The following GIT2 variants were observed in gnomAD, a reference collection of about 807,000 sequenced individuals.
GIT2 encodes GIT ArfGAP 2.
Under a neutral mutation model 100.3 loss-of-function variants are expected in GIT2, and 32 were observed. The observed-to-expected ratio is 0.32, with a 90% CI of 0.24 to 0.43. The LOEUF (loss-of-function observed/expected upper bound fraction) is 0.43. GIT2 is among the 20% of genes least tolerant of loss of function. The probability of loss-of-function intolerance (pLI) is 1.00; values close to 1 mark genes in which losing one functional copy is unlikely to be tolerated. For missense variants in GIT2, 737 were observed against 975.1 expected, an observed-to-expected ratio of 0.76 and a Z score of 3.25; for synonymous variants, 353 against 364.1, an observed-to-expected ratio of 0.97 and a Z score of 0.35.
Position 109,947,453 on chromosome 12 carries a change from T to C in GIT2, c.1444A>G (p.Asn482Asp). The change falls in exon 15 of 20, where the codon AAT (asparagine) becomes GAT (aspartate). Residue 482 changes from asparagine to aspartate, a missense_variant. By Grantham distance (23) the Asn-to-Asp change is conservative (BLOSUM62 1). Around this residue, in one of 3 missense-constraint regions of GIT2, gnomAD observed 451 missense variants for 543.7 expected, o/e 0.83. Coordinates refer to ENST00000355312, the MANE Select transcript of GIT2 (RefSeq NM_057169.5). The surrounding 1 kb of genome is among the most constrained non-coding windows in gnomAD (Gnocchi z 4.3). The part of the protein sequence containing the change: ...NSNLRKQATT[N>D]VYQVQTGSEY... ...GAACCAGTTTGCACCTGATATACATTGGTTGTGGCCTGTTTCCTGAGGTTC... is the reference window on the plus strand; with the variant it reads ...GAACCAGTTTGCACCTGATATACATCGGTTGTGGCCTGTTTCCTGAGGTTC... The C allele has an allele frequency of 6.2e-7, 1 of 1,613,774 alleles. No individual in the cohort carries two copies. Among genetic ancestry groups the C allele is most frequent in the Non-Finnish European group, 8.5e-7 (1 of 1,179,638 alleles).
At chr12:109,976,635 C>A (rs1450548448) in intron 7 of GIT2, among the ~76,000 whole-genome samples, 1 of 143,240 alleles carries the variant, frequency 7.0e-6, no homozygotes, top group Non-Finnish European at 1.5e-5. Flanking sequence ...GTCGCCCAGG[C>A]AGGAGTGCAG....
intron 7 of GIT2, among the ~76,000 whole-genome samples, chr12:109,976,676 C>A (rs1250114297): frequency 6.6e-6 from 1 of 150,940 alleles, no homozygotes; most frequent in Admixed American, 6.6e-5. Context: ...GTAACCTTTG[C>A]CTCCTAGGTT....
chr12:109,980,833 T>C (rs946857601), intron 7 of GIT2, 119 bp downstream of exon 7: 1 of 703,678 alleles, frequency 1.4e-6, no homozygotes, highest in African/African-American at 1.8e-5. Context: ...AAAAGCCATA[T>C]GTATAGCTTT....
chr12:109,963,006 G>A (rs183980728), intron 9 of GIT2, among the ~76,000 whole-genome samples: 208 of 148,418 alleles, frequency 1.4e-3, no homozygotes, highest in African/African-American at 4.9e-3. Context: ...ACCTTGTCTC[G>A]AAAAAAAAAG....
intron 12 of GIT2, among the ~76,000 whole-genome samples, chr12:109,956,006 G>A (rs960164465): frequency 2.0e-5 from 3 of 150,706 alleles, no homozygotes; most frequent in African/African-American, 7.3e-5. Context: ...TCAGCTCACT[G>A]CATCCTCCAC....
At chr12:109,943,517 T>C (rs1297570219) in intron 16 of GIT2, among the ~76,000 whole-genome samples, 2 of 152,102 alleles carry the variant, frequency 1.3e-5, no homozygotes, top group African/African-American at 2.4e-5. Context: ...GTATTTTTAG[T>C]AGAGACAGGT....
chr12:109,964,923 C>T (rs549247553), intron 9 of GIT2, among the ~76,000 whole-genome samples: 1 of 152,060 alleles, frequency 6.6e-6, no homozygotes, highest in Non-Finnish European at 1.5e-5. Flanking sequence ...GGCCCTTAGG[C>T]CTTTCCTAAG....
At chr12:109,949,088 A>G (rs1877126540) in intron 14 of GIT2, 1 of 538,972 alleles carries the variant, frequency 1.9e-6, no homozygotes, top group African/African-American at 1.9e-5. Context: ...ATGCTTTTAT[A>G]TCACAAAGGC....
At chr12:109,951,749 G>T (rs1877918089) in intron 13 of GIT2, among the ~76,000 whole-genome samples, 1 of 152,184 alleles carries the variant, frequency 6.6e-6, no homozygotes, top group Non-Finnish European at 1.5e-5. Flanking sequence ...TATTCCAACA[G>T]CATGAGAGAG....
chr12:109,968,860 T>C (rs1422941810), intron 7 of GIT2, among the ~76,000 whole-genome samples: 1 of 152,128 alleles, frequency 6.6e-6, no homozygotes, highest in Non-Finnish European at 1.5e-5. Flanking sequence ...TAGCCAGGAC[T>C]ACAGGCGTGC....
At chr12:109,954,553 G>A (rs1878848507) in intron 12 of GIT2, 2 of 152,114 alleles carry the variant, frequency 1.3e-5, no homozygotes, top group Non-Finnish European at 2.9e-5. Context: ...CAGAGATGTT[G>A]AGGAAACAAT....
intron 6 of GIT2, 44 bp downstream of exon 6, chr12:109,983,328 AC>A: frequency 1.3e-6 from 2 of 1,592,076 alleles, no homozygotes; most frequent in Non-Finnish European, 8.6e-7. Context: ...ATCACACCCA[AC>A]AAAAAAATCC....
chr12:109,991,788 A>C (rs1888451015), intron 1 of GIT2, 28 bp from the exon 2 acceptor site: 1 of 1,600,322 alleles, frequency 6.2e-7, no homozygotes, highest in African/African-American at 1.3e-5. Flanking sequence ...TCTCAGTGGC[A>C]GGGATACCAG....
intron 7 of GIT2, among the ~76,000 whole-genome samples, chr12:109,980,624 G>T (rs1396743949): frequency 2.0e-5 from 3 of 152,046 alleles, no homozygotes. Context: ...AACTACAAAG[G>T]TTATTGCTTT....
At chr12:109,979,464 A>G (rs1238252809) in intron 7 of GIT2, among the ~76,000 whole-genome samples, 1 of 151,378 alleles carries the variant, frequency 6.6e-6, no homozygotes, top group Admixed American at 6.6e-5. Flanking sequence ...TAGTAGAGAC[A>G]GGGTTTCACC....
In GIT2 at chr12:109,963,006, GA is replaced by G. The variant is rs34096511; in HGVS notation, c.817-1322del. Among the ~76,000 whole-genome samples the G allele has an allele frequency of 1.5e-4, 23 of 148,420 alleles. No homozygotes were observed. The South Asian group carries it at 4.2e-3, about 27-fold the overall frequency. On this transcript the variant is annotated intron_variant, in intron 9 of 19. Coordinates refer to ENST00000355312, the MANE Select transcript of GIT2 (RefSeq NM_057169.5). ...GGGTGACGGAGTGAGACCTTGTCTCGAAAAAAAAAGAAAAAACAAGTGCTGG... is the reference window on the plus strand; with the variant it reads ...GGGTGACGGAGTGAGACCTTGTCTCGAAAAAAAAGAAAAAACAAGTGCTGG...
chr12:109,939,378 C>A, intron 16 of GIT2, 131 bp from the exon 17 acceptor site: 1 of 621,914 alleles, frequency 1.6e-6, no homozygotes, highest in Non-Finnish European at 3.0e-6. Flanking sequence ...GGGGACAACT[C>A]TCTAGTGAAA....
chr12:109,987,785 G>T (rs1887679114), intron 4 of GIT2, among the ~76,000 whole-genome samples: 1 of 152,158 alleles, frequency 6.6e-6, no homozygotes, highest in Admixed American at 6.6e-5. Flanking sequence ...AATAAAAAAA[G>T]TTCTGAATAA....
intron 7 of GIT2, among the ~76,000 whole-genome samples, chr12:109,977,477 C>T (rs900790557): frequency 6.6e-6 from 1 of 152,150 alleles, no homozygotes; most frequent in Non-Finnish European, 1.5e-5. Flanking sequence ...CGCCACTGCA[C>T]TCCAGCCTAG....
Sources: gnomAD v4.1 joint callset for allele counts (sites outside exome capture counted in the v4.1 genomes callset) on GRCh38, gnomAD v4.1.1 for gene constraint, gnomAD v4.1.1 regional missense constraint, Gnocchi (gnomAD v3.1) non-coding constraint, MANE v1.5 for transcripts, NCBI Gene and HGNC (gene_info 2026-07-23, HGNC 2026-07-21) for gene names.